The following ARFGEF1 variants were observed in gnomAD, a reference collection of about 807,000 sequenced individuals.
ARFGEF1 encodes the protein ARF guanine nucleotide exchange factor 1, also known as brefeldin A-inhibited guanine nucleotide-exchange protein 1.
ARFGEF1 carries 42 observed loss-of-function variants against 231.0 expected under a neutral mutation model. That is an observed-to-expected ratio of 0.18 (90% CI 0.14 to 0.24). The LOEUF is 0.24. ARFGEF1 is among the 10% of genes least tolerant of loss of function. The probability of loss-of-function intolerance (pLI) is 1.00; values close to 1 mark genes in which losing one functional copy is unlikely to be tolerated. For missense variants in ARFGEF1, 1,345 were observed against 2,192.0 expected, an observed-to-expected ratio of 0.61 and a Z score of 7.72; for synonymous variants, 710 against 732.3, an observed-to-expected ratio of 0.97 and a Z score of 0.49.
At chr8:67,306,454 C>CT (rs1024106305) in intron 1 of ARFGEF1, among the ~76,000 whole-genome samples, 20 of 151,388 alleles carry the variant, frequency 1.3e-4, no homozygotes, top group African/African-American at 4.1e-4. Flanking sequence ...ACAGGAAAGA[C>CT]TTTTTTTTTA....
Position 67,228,243 on chromosome 8 carries a change from C to G in ARFGEF1, c.3402G>C (p.Arg1134Ser). Residue 1134 changes from arginine to serine, a missense_variant, in exon 24 of 39, where the codon AGG (arginine) becomes AGC (serine). This residue lies in a region of ARFGEF1 where 146 missense variants were observed against 321.4 expected (regional missense o/e 0.45). Coordinates refer to ENST00000262215, the MANE Select transcript of ARFGEF1 (RefSeq NM_006421.5). ...ACTTACCAATGGCATTTCCATCTAG[C>G]CTTGTAGATCCTGTGAATATTCTAG... ...AVDRIFTGST[R>S]LDGNAIVDFV... 1.9e-6 allele frequency: 3 copies of G among 1,610,422 alleles called. No individual in the cohort carries two copies. The highest frequency in any genetic ancestry group is 2.5e-6 in the Non-Finnish European group (3 of 1,177,740).
chr8:67,276,178 C>T, intron 8 of ARFGEF1, 69 bp from the exon 9 acceptor site: 1 of 1,540,132 alleles, frequency 6.5e-7, no homozygotes, highest in East Asian at 2.3e-5. Context: ...CAGCCTTCTA[C>T]TGTATTTCAT....
At chr8:67,333,332 CTTT>C (rs35291856) in intron 1 of ARFGEF1, among the ~76,000 whole-genome samples, 58 of 142,092 alleles carry the variant, frequency 4.1e-4, no homozygotes, top group Non-Finnish European at 5.4e-4. Context: ...CATGCCTGGC[CTTT>C]TTTTTTTTTT....
intron 15 of ARFGEF1, among the ~76,000 whole-genome samples, chr8:67,258,887 T>A (rs993937625): frequency 6.6e-6 from 1 of 151,056 alleles, no homozygotes. Context: ...GGGGATTGGT[T>A]CCAGGACCCT....
chr8:67,343,105 G>GCCCCCCCCCCCCCCCCCCCCCACCAA, intron 1 of ARFGEF1, 59 bp downstream of exon 1: 1 of 483,916 alleles, frequency 2.1e-6, no homozygotes, highest in Non-Finnish European at 3.2e-6. Context: ...CCCCCCACAG[G>GCCCCCCCCCCCCCCCCCCCCCACCAA]CGCCCCCCTC....
chr8:67,226,146 A>C lies in ARFGEF1; in HGVS notation c.3954T>G (p.Asp1318Glu), dbSNP rs768834501. The C allele has an allele frequency of 6.2e-7, 1 of 1,611,114 alleles. No homozygotes were observed. The highest frequency in any genetic ancestry group is 1.7e-5 in the Admixed American group (1 of 59,650). Residue 1318 changes from aspartate to glutamate, a missense_variant, in exon 28 of 39, where the codon GAT becomes GAG. Physicochemically the swap from Asp to Glu is conservative, Grantham distance 45. Coordinates refer to ENST00000262215, the MANE Select transcript of ARFGEF1 (RefSeq NM_006421.5). ...AACACTTCACTGCATCCTGGAAAGA[A>C]TCAATGGTCGCTGGAAAGTGTTTTT... ...VFEKHFPATIDSFQDAVKCLS... is the reference protein window; with the variant it reads ...VFEKHFPATIESFQDAVKCLS...
At chr8:67,195,496 A>G, downstream of ARFGEF1, 1 of 1,614,208 alleles carries the variant, frequency 6.2e-7, no homozygotes. Context: ...GAAACGCTGA[A>G]ACGTTTCATG....
intron 4 of ARFGEF1, 126 bp downstream of exon 4, chr8:67,299,083 C>T (rs1806364971): frequency 3.1e-6 from 3 of 955,122 alleles, no homozygotes; most frequent in Non-Finnish European, 4.4e-6. Flanking sequence ...TGAGCCCGGC[C>T]TCGAATAACC....
chr8:67,220,897 CTT>C (rs60939328), intron 29 of ARFGEF1, among the ~76,000 whole-genome samples: 14 of 140,218 alleles, frequency 1.0e-4, no homozygotes, highest in Non-Finnish European at 7.8e-5. Flanking sequence ...TTTTCCTTTT[CTT>C]TTTTTTTTTT....
intron 14 of ARFGEF1, among the ~76,000 whole-genome samples, chr8:67,265,083 A>G (rs865842079): frequency 2.6e-5 from 4 of 152,204 alleles, no homozygotes; most frequent in Admixed American, 6.5e-5. Flanking sequence ...ATCTTGCATA[A>G]TATCTGGAAA....
At chr8:67,304,901 G>A (rs1806667486) in intron 1 of ARFGEF1, among the ~76,000 whole-genome samples, 1 of 152,166 alleles carries the variant, frequency 6.6e-6, no homozygotes, top group Non-Finnish European at 1.5e-5. Flanking sequence ...AATAATTTAA[G>A]TATTCTTCAT....
chr8:67,184,943 CAAAAAAAAAA>C (rs796384901), intron 5 of ARFGEF1, among the ~76,000 whole-genome samples: 1 of 56,086 alleles, frequency 1.8e-5, no homozygotes, highest in Admixed American at 2.1e-4. Flanking sequence ...ACTAAAAATA[CAAAAAAAAAA>C]AAAAAAAAAA....
chr8:67,193,383 C>T (rs1836958411), downstream of ARFGEF1: 3 of 1,271,948 alleles, frequency 2.4e-6, no homozygotes, highest in South Asian at 2.6e-5. Context: ...AGGTGATAGG[C>T]ACCATGCCTG....
intron 1 of ARFGEF1, among the ~76,000 whole-genome samples, chr8:67,310,123 T>TTCCCTCTCTTTCCACGGTC (rs919554400): frequency 6.6e-6 from 1 of 151,880 alleles, no homozygotes; most frequent in Non-Finnish European, 1.5e-5. Flanking sequence ...TCCCCACGGT[T>TTCCCTCTCTTTCCACGGTC]TCCCTCTCTT....
At chr8:67,291,181 G>A (rs1805991732) in intron 6 of ARFGEF1, among the ~76,000 whole-genome samples, 1 of 152,004 alleles carries the variant, frequency 6.6e-6, no homozygotes, top group Admixed American at 6.6e-5. Context: ...TCACAGAACA[G>A]CTAAAGCTGA....
chr8:67,293,137 T>C (rs1235215158), intron 5 of ARFGEF1, among the ~76,000 whole-genome samples: 1 of 152,126 alleles, frequency 6.6e-6, no homozygotes, highest in Non-Finnish European at 1.5e-5. Flanking sequence ...CTGTATCCCA[T>C]TTCCCCTTAT....
intron 1 of ARFGEF1, among the ~76,000 whole-genome samples, chr8:67,315,619 G>A (rs1038209028): frequency 5.9e-5 from 9 of 152,104 alleles, no homozygotes; most frequent in Admixed American, 6.5e-5. Flanking sequence ...TACTCCACAG[G>A]CAGAGCAGCC....
chr8:67,263,712 A>G (rs1449659946), intron 14 of ARFGEF1, among the ~76,000 whole-genome samples: 2 of 152,164 alleles, frequency 1.3e-5, no homozygotes, highest in Non-Finnish European at 2.9e-5. Context: ...CTTTTCACTA[A>G]GCTAAACATA....
downstream of ARFGEF1, among the ~76,000 whole-genome samples, chr8:67,196,543 T>G (rs1054297269): frequency 5.3e-5 from 8 of 152,228 alleles, no homozygotes; most frequent in African/African-American, 1.9e-4. Flanking sequence ...TAATAATACT[T>G]CCTCTGATGT....
Sources: allele counts gnomAD v4.1 joint callset (sites outside exome capture counted in the v4.1 genomes callset), GRCh38; gene constraint gnomAD v4.1.1; regional missense constraint gnomAD v4.1.1; transcripts MANE v1.5; gene names NCBI Gene and HGNC (gene_info 2026-07-23, HGNC 2026-07-21).